NRXN1: variants seen among roughly 807,000 people sequenced by gnomAD.
NRXN1 encodes neurexin 1.
NRXN1 carries 39 observed loss-of-function variants against 150.9 expected under a neutral mutation model. The observed-to-expected ratio is 0.26, with a 90% CI of 0.20 to 0.34. The LOEUF (loss-of-function observed/expected upper bound fraction) is 0.34, where lower values mean the gene tolerates loss of function less well. NRXN1 is among the 10% of genes least tolerant of loss of function. NRXN1 has a pLI of 1.00. For missense variants in NRXN1, 1,815 were observed against 1,949.9 expected (o/e 0.93, Z 1.30); for synonymous variants, 924 against 757.0 (o/e 1.22, Z -3.62).
intron 2 of NRXN1, among the ~76,000 whole-genome samples, chr2:50,996,913 CAT>C (rs1270958429): frequency 2.0e-5 from 3 of 152,076 alleles, no homozygotes; most frequent in African/African-American, 2.4e-5. Context: ...CCACAGCCCA[CAT>C]GAGTGGGCTC....
intron 19 of NRXN1, among the ~76,000 whole-genome samples, chr2:50,067,315 G>A (rs1695519490): frequency 6.6e-6 from 1 of 152,186 alleles, no homozygotes; most frequent in Non-Finnish European, 1.5e-5. Context: ...ATTTGTACAA[G>A]CACTTGTTCC....
intron 17 of NRXN1, among the ~76,000 whole-genome samples, chr2:50,408,923 A>C (rs1558680347): frequency 6.6e-6 from 1 of 151,534 alleles, no homozygotes; most frequent in African/African-American, 2.4e-5. Flanking sequence ...AACATCATGC[A>C]TAGTATGAGG....
chr2:50,987,571 T>C (rs1277331907), intron 2 of NRXN1, among the ~76,000 whole-genome samples: 2 of 151,936 alleles, frequency 1.3e-5, no homozygotes, highest in Admixed American at 6.6e-5. Flanking sequence ...AATCAGAATC[T>C]TACCAAGAAA....
chr2:50,495,306 A>T (rs978481137), intron 15 of NRXN1, among the ~76,000 whole-genome samples: 1 of 150,868 alleles, frequency 6.6e-6, no homozygotes, highest in African/African-American at 2.4e-5. Flanking sequence ...AGAGAAGCGT[A>T]TGTTAAGACT....
chr2:50,122,526 T>G (rs1704004562), intron 18 of NRXN1, among the ~76,000 whole-genome samples: 1 of 152,238 alleles, frequency 6.6e-6, no homozygotes, highest in Non-Finnish European at 1.5e-5. Flanking sequence ...ACATGGGGCT[T>G]TGTTCTTTGT....
chr2:50,595,795 T>C (rs1675104671), intron 8 of NRXN1, among the ~76,000 whole-genome samples: 1 of 152,204 alleles, frequency 6.6e-6, no homozygotes, highest in Non-Finnish European at 1.5e-5. Flanking sequence ...CTGCCATTAT[T>C]ATCTATGTTC....
At chr2:50,556,400 C>G (rs1033827942) in intron 8 of NRXN1, among the ~76,000 whole-genome samples, 8 of 151,832 alleles carry the variant, frequency 5.3e-5, no homozygotes, top group African/African-American at 1.9e-4. Flanking sequence ...ACATGTTTCA[C>G]TTTTGAACAA....
intron 2 of NRXN1, among the ~76,000 whole-genome samples, chr2:51,000,556 T>C (rs558627544): frequency 2.6e-5 from 4 of 151,638 alleles, no homozygotes; most frequent in Admixed American, 6.6e-5. Context: ...AAAAAACAGG[T>C]AAAAAATAAT....
chr2:50,250,159 A>G (rs1408824201), intron 17 of NRXN1, among the ~76,000 whole-genome samples: 1 of 152,144 alleles, frequency 6.6e-6, no homozygotes, highest in Non-Finnish European at 1.5e-5. Flanking sequence ...AAGACCTTCA[A>G]TGATTAAGTG....
chr2:50,549,338 C>T (rs1184006324), intron 9 of NRXN1, among the ~76,000 whole-genome samples: 1 of 152,066 alleles, frequency 6.6e-6, no homozygotes, highest in Non-Finnish European at 1.5e-5. Context: ...TTACATTAAA[C>T]ACCCTTGAGC....
rs183665277 is a variant in NRXN1, at chr2:50,831,261, A to T, written c.832+90608T>A. The stretch of plus-strand genomic sequence containing the variant: ...TCATGCAACAAGGATAAATCTCAAT[A>T]ATAGATTGTTGAGCCAAACATGTCA... On this transcript the variant is annotated intron_variant, in intron 5 of 22. Transcript: ENST00000401669. 8.5e-4 allele frequency among the ~76,000 whole-genome samples: 130 copies of T among 152,358 alleles called. 1 individual carries two copies. Among genetic ancestry groups the T allele is most frequent in the Middle Eastern group, 3.4e-3 (1 of 294 alleles).
chr2:51,007,142 C>T (rs533824991), intron 2 of NRXN1, among the ~76,000 whole-genome samples: 1 of 152,070 alleles, frequency 6.6e-6, no homozygotes, highest in South Asian at 2.1e-4. Flanking sequence ...AACTCTTCGT[C>T]TCTTTTTATT....
At chr2:50,132,628 C>A (rs1211507099) in intron 18 of NRXN1, among the ~76,000 whole-genome samples, 4 of 151,886 alleles carry the variant, frequency 2.6e-5, no homozygotes, top group Non-Finnish European at 5.9e-5. Context: ...TTTAAAATGA[C>A]TTTTTTGATG....
At chr2:50,219,228 T>C (rs1210506244) in intron 18 of NRXN1, among the ~76,000 whole-genome samples, 3 of 152,040 alleles carry the variant, frequency 2.0e-5, no homozygotes, top group Non-Finnish European at 4.4e-5. Flanking sequence ...ATGAAGATGA[T>C]AATTTGTTCT....
intron 15 of NRXN1, among the ~76,000 whole-genome samples, chr2:50,490,048 ATC>A: frequency 6.6e-6 from 1 of 152,338 alleles, no homozygotes; most frequent in Middle Eastern, 3.4e-3. Context: ...ACAGTTTCAC[ATC>A]TCTGTCTGTC....
At chr2:50,206,484 T>C (rs2062587351) in intron 18 of NRXN1, among the ~76,000 whole-genome samples, 1 of 152,052 alleles carries the variant, frequency 6.6e-6, no homozygotes, top group Admixed American at 6.6e-5. Flanking sequence ...CTATTGCTCC[T>C]CATTATATCC....
intron 17 of NRXN1, among the ~76,000 whole-genome samples, chr2:50,293,442 T>C (rs1274370699): frequency 1.3e-5 from 2 of 152,142 alleles, no homozygotes; most frequent in Non-Finnish European, 2.9e-5. Flanking sequence ...CACGGATGCA[T>C]ATCGAAGGTA....
intron 18 of NRXN1, among the ~76,000 whole-genome samples, chr2:50,235,676 A>T (rs2065346203): frequency 6.6e-6 from 1 of 152,132 alleles, no homozygotes; most frequent in Non-Finnish European, 1.5e-5. Flanking sequence ...AAAGAACATG[A>T]TGACCTAATC....
chr2:50,060,026 G>A (rs111465693), intron 19 of NRXN1, among the ~76,000 whole-genome samples: 2,363 of 152,236 alleles, frequency 0.016, 55 homozygotes, highest in African/African-American at 0.054. Flanking sequence ...GTGGAGCTGT[G>A]AGAAGAGGGC....
Sources: allele counts gnomAD v4.1 joint callset (sites outside exome capture counted in the v4.1 genomes callset), GRCh38; gene constraint gnomAD v4.1.1; transcripts MANE v1.5; gene names NCBI Gene and HGNC (gene_info 2026-07-23, HGNC 2026-07-21).